Variants in RTTN observed in about 807,000 individuals in gnomAD.
The protein encoded by RTTN is rotatin.
Under a neutral mutation model 269.2 loss-of-function variants are expected in RTTN, and 182 were observed. The observed-to-expected ratio is 0.68, with a 90% CI of 0.60 to 0.76. The LOEUF (loss-of-function observed/expected upper bound fraction) is 0.76, where lower values mean the gene tolerates loss of function less well. Among genes scored for constraint, RTTN ranks in the 30% least tolerant of loss-of-function variants. RTTN has a pLI of 0.00. For synonymous variants in RTTN, 1,006 were observed against 963.5 expected (o/e 1.04, Z -0.82); for missense variants, 2,545 against 2,608.6 (o/e 0.98, Z 0.53).
intron 40 of RTTN, among the ~76,000 whole-genome samples, chr18:70,037,918 T>C (rs1418054409): frequency 6.6e-6 from 1 of 152,126 alleles, no homozygotes; most frequent in African/African-American, 2.4e-5. Context: ...GCAACATTCG[T>C]CACAGAATGA....
At chr18:70,093,265 A>C (rs1024685848) in intron 28 of RTTN, among the ~76,000 whole-genome samples, 11 of 152,136 alleles carry the variant, frequency 7.2e-5, no homozygotes, top group African/African-American at 2.7e-4. Flanking sequence ...TCTGTAAAAA[A>C]AAAAAAAAAG....
chr18:70,004,353 T>G, intron 48 of RTTN, 117 bp from the exon 49 acceptor site: 1 of 581,566 alleles, frequency 1.7e-6, no homozygotes, highest in Non-Finnish European at 2.9e-6. Flanking sequence ...TTTAAAGCTC[T>G]AAGTTCTTGA....
chr18:70,108,981 A>C (rs1212634009), intron 28 of RTTN, among the ~76,000 whole-genome samples: 1 of 152,216 alleles, frequency 6.6e-6, no homozygotes, highest in Non-Finnish European at 1.5e-5. Flanking sequence ...CTATATTTAC[A>C]TATTTCAATA....
In RTTN at chr18:70,196,537, A is replaced by G. The variant is rs141156594; in HGVS notation, c.805T>C (p.Phe269Leu). The change falls in exon 7 of 49, where the codon TTT (phenylalanine) becomes CTT (leucine). Residue 269 changes from phenylalanine to leucine, a missense_variant. Phe to Leu is a conservative substitution (Grantham distance 22). Coordinates refer to ENST00000640769, the MANE Select transcript of RTTN (RefSeq NM_173630.4). ...GAGAAAAAACCTGGATCTCGGTGAA[A>G]GTTAAGTCTGTTTCTTAAATACATG... is the stretch of plus-strand genomic sequence containing the variant. ...LCMYLRNRLNFHRDPGFFSNK... is the reference protein window; with the variant it reads ...LCMYLRNRLNLHRDPGFFSNK... The G allele has an allele frequency of 9.4e-4, 1,520 of 1,612,320 alleles. 24 individuals carry two copies. In the East Asian group the frequency reaches 0.027, roughly 28 times the overall value.
intron 36 of RTTN, among the ~76,000 whole-genome samples, chr18:70,058,534 A>T (rs1280120159): frequency 6.6e-6 from 1 of 152,216 alleles, no homozygotes; most frequent in African/African-American, 2.4e-5. Context: ...AAATAAAAAT[A>T]AAAAAATAAA....
At chr18:70,063,695 C>T (rs966344651) in intron 35 of RTTN, among the ~76,000 whole-genome samples, 17 of 152,154 alleles carry the variant, frequency 1.1e-4, no homozygotes, top group African/African-American at 4.1e-4. Context: ...TACATATCTT[C>T]AGCACTTCTA....
intron 2 of RTTN, 35 bp downstream of exon 2, chr18:70,205,093 G>C (rs749433054): frequency 1.3e-6 from 2 of 1,579,002 alleles, no homozygotes; most frequent in Non-Finnish European, 1.7e-6. Flanking sequence ...CAAGTCACTC[G>C]TCTGATTATT....
rs1280580731 is a variant in RTTN at position 70,114,551 on chromosome 18, G to A, written c.3577C>T (p.Arg1193Ter). 7.4e-6 allele frequency: 12 copies of A among 1,613,432 alleles called. No individual in the cohort carries two copies. Among genetic ancestry groups the A allele is most frequent in the South Asian group, 2.2e-5 (2 of 91,042 alleles). Residue 1193 changes from arginine (R) to a stop codon, truncating the protein, a stop_gained, in exon 27 of 49, where the codon CGA becomes TGA. Coordinates refer to ENST00000640769, the MANE Select transcript of RTTN (RefSeq NM_173630.4). LOFTEE classifies it high-confidence loss of function. ...GTCCGGATATCATCTGTTTCTTCTC[G>A]TGCCTGTGACTCTGTCAGAACCAAG... ...DLLVLTESQA[R>*]EETDDIRTAV...
intron 26 of RTTN, among the ~76,000 whole-genome samples, chr18:70,115,050 A>C (rs1263321220): frequency 1.3e-5 from 2 of 152,122 alleles, no homozygotes. Flanking sequence ...GTTTTTCAAC[A>C]ATAAGGATTT....
chr18:70,045,194 T>G (rs2057459555), intron 40 of RTTN, among the ~76,000 whole-genome samples: 1 of 152,212 alleles, frequency 6.6e-6, no homozygotes, highest in Non-Finnish European at 1.5e-5. Context: ...AAGCACCATT[T>G]AAAAGATAAC....
At chr18:70,040,968 C>T (rs911387772) in intron 40 of RTTN, among the ~76,000 whole-genome samples, 6 of 152,174 alleles carry the variant, frequency 3.9e-5, no homozygotes, top group South Asian at 4.2e-4. Flanking sequence ...CCTTGTAATC[C>T]CAGCCCTTCG....
rs773587803 is a variant in RTTN, at chr18:70,167,005, C to T, written c.1716G>A (p.Val572=). Residue 572 remains valine, a synonymous_variant, in exon 13 of 49, where the codon GTG becomes GTA. Transcript: ENST00000640769. The part of the protein sequence containing the change: ...KEGEKNLLEL[V]ELADQALRSF... ...TACGCAAGGCTTGGTCTGCCAGCTCCACTAATTCTAAGAGATTCTTCTCTC... is the reference window on the plus strand; with the variant it reads ...TACGCAAGGCTTGGTCTGCCAGCTCTACTAATTCTAAGAGATTCTTCTCTC... The T allele has an allele frequency of 6.2e-7, 1 of 1,612,816 alleles. No individual in the cohort carries two copies. Among genetic ancestry groups the T allele is most frequent in the South Asian group, 1.1e-5 (1 of 91,006 alleles).
At chr18:70,019,756 T>C (rs920133666) in intron 45 of RTTN, 15 of 152,222 alleles carry the variant, frequency 9.9e-5, no homozygotes, top group Non-Finnish European at 1.6e-4. Flanking sequence ...ACTGAAAACA[T>C]CTTTCCTTGG....
At chr18:70,041,617 G>T (rs979345783) in intron 40 of RTTN, among the ~76,000 whole-genome samples, 1 of 152,076 alleles carries the variant, frequency 6.6e-6, no homozygotes, top group Non-Finnish European at 1.5e-5. Flanking sequence ...GATCCTGCCC[G>T]CCAGCCACCA....
At chr18:70,191,234 A>G (rs283248) in intron 8 of RTTN, among the ~76,000 whole-genome samples, 15,436 of 152,092 alleles carry the variant, frequency 0.1, 1,692 homozygotes, top group African/African-American at 0.28. Flanking sequence ...GAAGCCAAAA[A>G]TGCATCTATA....
intron 35 of RTTN, among the ~76,000 whole-genome samples, chr18:70,064,070 G>A (rs2058065930): frequency 6.6e-6 from 1 of 150,868 alleles, no homozygotes; most frequent in Non-Finnish European, 1.5e-5. Context: ...GGGCATGGTG[G>A]CTCATGTCTG....
chr18:70,080,426 C>T (rs2058534448), intron 32 of RTTN, among the ~76,000 whole-genome samples: 1 of 152,094 alleles, frequency 6.6e-6, no homozygotes, highest in Non-Finnish European at 1.5e-5. Context: ...GATAAAGACA[C>T]AAGAACCATT....
rs139901466 is a variant in RTTN, at chr18:70,061,673, A to C, written c.4748-1631T>G. ...GCAACATACAGAAACCTATCTCTAC[A>C]AAAAGATTTAAAAATGAACCAGGCA... On this transcript the variant is annotated intron_variant, in intron 35 of 48. Transcript: ENST00000640769. 1.3e-3 allele frequency among the ~76,000 whole-genome samples: 205 copies of C among 152,212 alleles called. 1 individual carries two copies. Among genetic ancestry groups the C allele is most frequent in the African/African-American group, 4.6e-3 (191 of 41,520 alleles).
rs563471408 is a variant in RTTN at position 70,027,713 on chromosome 18, T to C, written c.5823+1011A>G. On this transcript the variant is annotated intron_variant, in intron 43 of 48. Transcript: ENST00000640769. ...AAGCATGAAGGAATCATTAAGTTTATTAATGGCACTTTTGTCTTGAGAAAA... is the reference window on the plus strand; with the variant it reads ...AAGCATGAAGGAATCATTAAGTTTACTAATGGCACTTTTGTCTTGAGAAAA... 3.9e-5 allele frequency among the ~76,000 whole-genome samples: 6 copies of C among 152,330 alleles called. No individual in the cohort carries two copies. In the South Asian group the frequency reaches 8.3e-4, roughly 21 times the overall value.
Sources: gnomAD v4.1 joint callset for allele counts (sites outside exome capture counted in the v4.1 genomes callset) on GRCh38, gnomAD v4.1.1 for gene constraint, MANE v1.5 for transcripts, NCBI Gene and HGNC (gene_info 2026-07-23, HGNC 2026-07-21) for gene names.